Variants in MAN1C1 observed in about 807,000 individuals in gnomAD.
MAN1C1 encodes the protein mannosyl-oligosaccharide 1,2-alpha-mannosidase IC.
MAN1C1 carries 49 observed loss-of-function variants against 71.5 expected under a neutral mutation model. The ratio of observed to expected loss-of-function variants is 0.69; its 90% CI spans 0.54 to 0.87. The LOEUF is 0.87. Among genes scored for constraint, MAN1C1 ranks in the 40% least tolerant of loss-of-function variants. The pLI is 0.00. For synonymous variants in MAN1C1, 352 were observed against 343.7 expected (o/e 1.02, Z -0.27); for missense variants, 743 against 835.0 (o/e 0.89, Z 1.36).
chr1:25,740,929 C>T (rs998622565), intron 2 of MAN1C1, among the ~76,000 whole-genome samples: 4 of 151,862 alleles, frequency 2.6e-5, no homozygotes, highest in African/African-American at 9.7e-5. Flanking sequence ...CTGGAAATCT[C>T]GCAGAGACGG....
Position 25,776,453 on chromosome 1 carries a change from T to C in MAN1C1, c.1258-1652T>C, listed in dbSNP as rs2047620584. Among the ~76,000 whole-genome samples the C allele has an allele frequency of 6.6e-6, 1 of 152,174 alleles. No homozygotes were observed. The highest frequency in any genetic ancestry group is 2.4e-5 in the African/African-American group (1 of 41,440). On this transcript the variant is annotated intron_variant, in intron 8 of 11. Transcript: ENST00000374332. The surrounding 1 kb of genome is among the most constrained non-coding windows in gnomAD (Gnocchi z 4.3). ...ATAATTACCCAGCTACTTGGGAGGCTGAGGCACGAGAATGGTTTAAACTTG... is the reference window on the plus strand; with the variant it reads ...ATAATTACCCAGCTACTTGGGAGGCCGAGGCACGAGAATGGTTTAAACTTG...
intron 1 of MAN1C1, among the ~76,000 whole-genome samples, chr1:25,620,125 C>A (rs1459452359): frequency 6.6e-6 from 1 of 152,130 alleles, no homozygotes; most frequent in African/African-American, 2.4e-5. Context: ...TTTATTTTGC[C>A]AGCAGAGTCT....
At chr1:25,670,405 G>T (rs1204795568) in intron 1 of MAN1C1, among the ~76,000 whole-genome samples, 1 of 152,242 alleles carries the variant, frequency 6.6e-6, no homozygotes, top group Non-Finnish European at 1.5e-5. Flanking sequence ...TAAAAGAACT[G>T]GTTCCGCCTC....
intron 1 of MAN1C1, among the ~76,000 whole-genome samples, chr1:25,685,488 T>G (rs893921896): frequency 2.6e-5 from 4 of 152,208 alleles, no homozygotes; most frequent in African/African-American, 9.7e-5. Context: ...TAAAGGCAAG[T>G]GAGGGAGACC....
chr1:25,752,132 T>C (rs1212731929), intron 4 of MAN1C1, among the ~76,000 whole-genome samples: 1 of 151,944 alleles, frequency 6.6e-6, no homozygotes, highest in Non-Finnish European at 1.5e-5. Flanking sequence ...TGGGAGTAAC[T>C]CGTATAACCA....
At chr1:25,768,004 C>G (rs2047470451) in intron 7 of MAN1C1, among the ~76,000 whole-genome samples, 1 of 135,472 alleles carries the variant, frequency 7.4e-6, no homozygotes, top group Non-Finnish European at 1.6e-5. Context: ...CATACACTCC[C>G]CCACACACAC....
At chr1:25,624,446 C>T (rs2045263200) in intron 1 of MAN1C1, among the ~76,000 whole-genome samples, 1 of 152,126 alleles carries the variant, frequency 6.6e-6, no homozygotes, top group Non-Finnish European at 1.5e-5. Flanking sequence ...TGAGAGCTCC[C>T]CACACTTGGC....
chr1:25,676,036 G>A (rs192405769), intron 1 of MAN1C1, among the ~76,000 whole-genome samples: 64 of 152,302 alleles, frequency 4.2e-4, no homozygotes, highest in Non-Finnish European at 7.8e-4. Context: ...GAGGTACTCT[G>A]TTTCTGACGT....
rs1007785116 is a variant in MAN1C1, at chr1:25,735,245, C to T, written c.638-11423C>T. Reference sequence around the variant, plus strand: ...CAAGCCTGGCCAACATGGCGAATCCCCACCTCTGCCAAAAACACAAAAATT... The same window carrying T: ...CAAGCCTGGCCAACATGGCGAATCCTCACCTCTGCCAAAAACACAAAAATT... On this transcript the variant is annotated intron_variant, in intron 2 of 11. Transcript: ENST00000374332. This position sits in a 1 kb window ranked among gnomAD's most constrained non-coding sequence, Gnocchi z 4.6. Among the ~76,000 whole-genome samples the T allele has an allele frequency of 1.3e-5, 2 of 152,148 alleles. No homozygotes were observed. The highest frequency in any genetic ancestry group is 4.8e-5 in the African/African-American group (2 of 41,434).
chr1:25,763,934 T>A lies in MAN1C1; in HGVS notation c.1108T>A (p.Phe370Ile). ...IEKPFGLYPN[F>I]LSPVSGNWVQ... ...AAAGCCCTTTGGCCTCTACCCCAACTTCCTCAGCCCAGTGAGTGGGAACTG... is the reference window on the plus strand; with the variant it reads ...AAAGCCCTTTGGCCTCTACCCCAACATCCTCAGCCCAGTGAGTGGGAACTG... Residue 370 changes from phenylalanine to isoleucine, a missense_variant, in exon 7 of 12, where the codon TTC becomes ATC. Phe to Ile is a conservative substitution (Grantham distance 21, BLOSUM62 0). Transcript: ENST00000374332. 2 of 1,613,880 alleles carry A rather than the reference T, an allele frequency of 1.2e-6. No individual in the cohort carries two copies. Among genetic ancestry groups the A allele is most frequent in the Non-Finnish European group, 1.7e-6 (2 of 1,179,968 alleles).
At chr1:25,734,285 T>C (rs1345057358) in intron 2 of MAN1C1, among the ~76,000 whole-genome samples, 1 of 151,734 alleles carries the variant, frequency 6.6e-6, no homozygotes, top group Non-Finnish European at 1.5e-5. Flanking sequence ...TGCACCACCA[T>C]GCCCAGCTGA....
At chr1:25,729,316 C>G (rs935553841) in intron 2 of MAN1C1, among the ~76,000 whole-genome samples, 1 of 152,196 alleles carries the variant, frequency 6.6e-6, no homozygotes, top group Non-Finnish European at 1.5e-5. Context: ...TCATCCTTCC[C>G]GATCCATCAC....
intron 1 of MAN1C1, among the ~76,000 whole-genome samples, chr1:25,628,558 C>G (rs1330740926): frequency 6.6e-6 from 1 of 152,098 alleles, no homozygotes; most frequent in East Asian, 1.9e-4. Context: ...TCCATCTGCC[C>G]CTGCCTCCCA....
At chr1:25,665,816 G>T (rs1378312080) in intron 1 of MAN1C1, among the ~76,000 whole-genome samples, 2 of 149,242 alleles carry the variant, frequency 1.3e-5, no homozygotes, top group Non-Finnish European at 2.9e-5. Context: ...CTCTTGAAAG[G>T]TCACACTAGT....
At chr1:25,622,164 CA>C (rs1326413384) in intron 1 of MAN1C1, among the ~76,000 whole-genome samples, 2 of 152,172 alleles carry the variant, frequency 1.3e-5, no homozygotes, top group Non-Finnish European at 2.9e-5. Flanking sequence ...TGAATTTCCC[CA>C]CCTTCCCTGT....
intron 2 of MAN1C1, among the ~76,000 whole-genome samples, chr1:25,737,798 G>A (rs2047003319): frequency 6.6e-6 from 1 of 152,130 alleles, no homozygotes; most frequent in Non-Finnish European, 1.5e-5. Flanking sequence ...CCAGAAAGAT[G>A]AGTAGGTGTT....
intron 1 of MAN1C1, among the ~76,000 whole-genome samples, chr1:25,655,178 G>A (rs965544791): frequency 5.3e-5 from 8 of 152,108 alleles, no homozygotes; most frequent in South Asian, 2.1e-4. Context: ...TTTATTTACC[G>A]TGTGATCTTG....
chr1:25,765,758 A>G (rs2047419001), intron 7 of MAN1C1, among the ~76,000 whole-genome samples: 1 of 152,180 alleles, frequency 6.6e-6, no homozygotes, highest in African/African-American at 2.4e-5. Flanking sequence ...ACTGTGGCGA[A>G]GCAGCTGAGG....
In MAN1C1 at chr1:25,735,378, C is replaced by G. The variant is rs944210978; in HGVS notation, c.638-11290C>G. Among the ~76,000 whole-genome samples the G allele has an allele frequency of 2.6e-5, 4 of 152,158 alleles. No individual in the cohort carries two copies. The highest frequency in any genetic ancestry group is 9.7e-5 in the African/African-American group (4 of 41,434). On this transcript the variant is annotated intron_variant, in intron 2 of 11. Transcript: ENST00000374332. The surrounding 1 kb of genome is among the most constrained non-coding windows in gnomAD (Gnocchi z 4.6). Reference sequence around the variant, plus strand: ...AGATTGCAGTGAGCAGAGATCACACCACTGCACTCCATCCTGTGTGACAGA... The same window carrying G: ...AGATTGCAGTGAGCAGAGATCACACGACTGCACTCCATCCTGTGTGACAGA...
Sources: gnomAD v4.1 joint callset for allele counts (sites outside exome capture counted in the v4.1 genomes callset) on GRCh38, gnomAD v4.1.1 for gene constraint, Gnocchi (gnomAD v3.1) non-coding constraint, MANE v1.5 for transcripts, NCBI Gene and HGNC (gene_info 2026-07-23, HGNC 2026-07-21) for gene names.